SPECC1: variants seen among roughly 807,000 people sequenced by gnomAD.
The protein encoded by SPECC1 is sperm antigen with calponin homology and coiled-coil domains 1.
In SPECC1, 62 loss-of-function variants were observed where a neutral mutation model predicts 104.1. That is an observed-to-expected ratio of 0.60 (90% confidence interval 0.49 to 0.74). The LOEUF (loss-of-function observed/expected upper bound fraction) is 0.74, where lower values mean the gene tolerates loss of function less well. Ranked by LOEUF, SPECC1 falls within the 30% of genes least tolerant of loss-of-function variation. The probability of loss-of-function intolerance (pLI) is 0.00; values close to 1 mark genes in which losing one functional copy is unlikely to be tolerated. For synonymous variants in SPECC1, 513 were observed against 501.6 expected, an observed-to-expected ratio of 1.02 and a Z score of -0.30; for missense variants, 1,306 against 1,310.5, an observed-to-expected ratio of 1.00 and a Z score of 0.05.
intron 1 of SPECC1, among the ~76,000 whole-genome samples, chr17:20,062,424 G>A (rs1038010677): frequency 6.6e-6 from 1 of 152,032 alleles, no homozygotes; most frequent in Non-Finnish European, 1.5e-5. Flanking sequence ...GTGCAGTGGT[G>A]TGATCACGGC....
chr17:20,046,670 T>C (rs2045551085), intron 1 of SPECC1, among the ~76,000 whole-genome samples: 1 of 151,970 alleles, frequency 6.6e-6, no homozygotes, highest in Non-Finnish European at 1.5e-5. Flanking sequence ...AATAGGGTAG[T>C]CAGGGAGGGC....
intron 1 of SPECC1, among the ~76,000 whole-genome samples, chr17:20,070,548 T>C (rs763084896): frequency 6.6e-6 from 1 of 152,198 alleles, no homozygotes; most frequent in Non-Finnish European, 1.5e-5. Flanking sequence ...CTATATATTT[T>C]ATCTATATGA....
intron 2 of SPECC1, among the ~76,000 whole-genome samples, chr17:20,097,366 G>C (rs1433376892): frequency 2.0e-5 from 3 of 152,138 alleles, no homozygotes; most frequent in Admixed American, 2.0e-4. Flanking sequence ...CTCCTTAGCT[G>C]CCCTGAGATG....
chr17:20,231,841 G>A lies in SPECC1; in HGVS notation c.2145+10G>A, dbSNP rs559296703. The A allele has an allele frequency of 7.4e-6, 12 of 1,613,630 alleles. No individual in the cohort carries two copies. The highest frequency in any genetic ancestry group is 2.7e-5 in the African/African-American group (2 of 74,990). ...GACCAAGCAGATGAAGGTGAGATGC[G>A]GGTGGGAGCCTTCACCACCATCTTC... On this transcript the variant is annotated intron_variant, in intron 6 of 14. Coordinates refer to ENST00000395527, the MANE Select transcript of SPECC1 (RefSeq NM_001243439.2).
intron 14 of SPECC1, among the ~76,000 whole-genome samples, chr17:20,309,757 C>T (rs2041874280): frequency 6.6e-6 from 1 of 151,298 alleles, no homozygotes; most frequent in African/African-American, 2.4e-5. Context: ...CATAGTATTC[C>T]ATGGTATATA....
chr17:20,114,470 G>A (rs574184996), intron 3 of SPECC1, among the ~76,000 whole-genome samples: 21 of 151,472 alleles, frequency 1.4e-4, no homozygotes, highest in Middle Eastern at 6.9e-3. Flanking sequence ...GATTACAGGC[G>A]TGAGTCATGG....
chr17:20,028,083 T>A (rs1176980328), intron 1 of SPECC1, among the ~76,000 whole-genome samples: 1 of 152,240 alleles, frequency 6.6e-6, no homozygotes, highest in African/African-American at 2.4e-5. Flanking sequence ...ATTTTTGAAT[T>A]AATTTTTGCA....
chr17:20,259,516 ATTT>A (rs1203274204), intron 11 of SPECC1, among the ~76,000 whole-genome samples: 13 of 151,512 alleles, frequency 8.6e-5, no homozygotes, highest in Admixed American at 8.5e-4. Flanking sequence ...ATTTTATTTT[ATTT>A]TTTGGAGATG....
chr17:20,064,658 A>G (rs1428689800), intron 1 of SPECC1, among the ~76,000 whole-genome samples: 1 of 152,190 alleles, frequency 6.6e-6, no homozygotes, highest in South Asian at 2.1e-4. Context: ...CTGGCACCAC[A>G]GTATTGTTCT....
intron 3 of SPECC1, among the ~76,000 whole-genome samples, chr17:20,126,897 G>A (rs761067595): frequency 3.3e-5 from 5 of 152,188 alleles, no homozygotes; most frequent in African/African-American, 4.8e-5. Flanking sequence ...TTCTAGGCAT[G>A]CTGTTATTAC....
chr17:20,128,432 A>G (rs1018393382), intron 3 of SPECC1, among the ~76,000 whole-genome samples: 1 of 152,190 alleles, frequency 6.6e-6, no homozygotes, highest in African/African-American at 2.4e-5. Context: ...GTGTTCTCCT[A>G]TTCAGGAGTG....
intron 13 of SPECC1, among the ~76,000 whole-genome samples, chr17:20,298,895 A>G (rs1038655355): frequency 6.8e-6 from 1 of 146,868 alleles, no homozygotes; most frequent in Admixed American, 6.9e-5. Flanking sequence ...TTAAGGTGTT[A>G]GAATTCTCCA....
In SPECC1 at chr17:20,317,039, A is replaced by C. The variant is rs2042049996; in HGVS notation, c.*2974A>C. 1.1e-5 allele frequency: 2 copies of C among 179,894 alleles called. No homozygotes were observed. Among genetic ancestry groups the C allele is most frequent in the South Asian group, 2.4e-4 (1 of 4,142 alleles). 11.1% of individuals were successfully genotyped at this position (179,894 alleles called of 1,614,324 possible). A position where few individuals can be genotyped will look rare whatever the true frequency, so the allele number is the denominator to read the frequency against. On this transcript the variant is annotated 3_prime_UTR_variant, in exon 15 of 15. Transcript: ENST00000395527. Reference sequence around the variant, plus strand: ...TACAATTTATTTTTACAACTCCAGGAGTTTCCCCGACTACCATTTTTTTTT... The same window carrying C: ...TACAATTTATTTTTACAACTCCAGGCGTTTCCCCGACTACCATTTTTTTTT...
At chr17:20,171,095 T>C (rs139542067) in intron 3 of SPECC1, among the ~76,000 whole-genome samples, 341 of 152,338 alleles carry the variant, frequency 2.2e-3, no homozygotes, top group African/African-American at 7.9e-3. Context: ...TTTATAGTTA[T>C]ATTTTGGCCT....
Position 20,096,711 on chromosome 17 carries a change from C to A in SPECC1, c.60C>A (p.Asp20Glu), listed in dbSNP as rs1363541526. Residue 20 changes from aspartate (D) to glutamate (E), a missense_variant, in exon 2 of 15, where the codon GAC (aspartate) becomes GAA (glutamate). This residue lies in a region of SPECC1 where 1,177 missense variants were observed against 1,139.9 expected (regional missense o/e 1.03). Transcript: ENST00000395527. ...TCAGAGCAGGGGGCCACGGCCCAGA[C>A]CGGGTGCGGCCTCTGCCTGCAGCCT... ...PAIRAGGHGP[D>E]RVRPLPAASS... The A allele has an allele frequency of 1.2e-6, 2 of 1,614,216 alleles. No individual in the cohort carries two copies. The highest frequency in any genetic ancestry group is 1.1e-5 in the South Asian group (1 of 91,088).
chr17:20,309,922 A>G (rs570833078), intron 14 of SPECC1, among the ~76,000 whole-genome samples: 2 of 150,214 alleles, frequency 1.3e-5, no homozygotes, highest in African/African-American at 4.9e-5. Context: ...GGTTCAAGCA[A>G]TTCTTCTGCC....
intron 1 of SPECC1, among the ~76,000 whole-genome samples, chr17:20,028,357 G>A (rs897741883): frequency 2.6e-5 from 4 of 152,044 alleles, no homozygotes; most frequent in African/African-American, 7.2e-5. Flanking sequence ...CATCTGGGCT[G>A]GATGTGGTGG....
At chr17:20,217,839 G>A (rs552987833) in intron 4 of SPECC1, among the ~76,000 whole-genome samples, 1 of 152,124 alleles carries the variant, frequency 6.6e-6, no homozygotes, top group African/African-American at 2.4e-5. Context: ...ACTTAAGCCC[G>A]GGAGCCTGGG....
intron 12 of SPECC1, among the ~76,000 whole-genome samples, chr17:20,288,072 A>AG: frequency 6.6e-6 from 1 of 151,440 alleles, no homozygotes; most frequent in East Asian, 2.0e-4. Flanking sequence ...TTTCTGTACT[A>AG]GTTTGCTGAG....
Sources: allele counts gnomAD v4.1 joint callset (sites outside exome capture counted in the v4.1 genomes callset), GRCh38; gene constraint gnomAD v4.1.1; regional missense constraint gnomAD v4.1.1; transcripts MANE v1.5; gene names NCBI Gene and HGNC (gene_info 2026-07-23, HGNC 2026-07-21).